Variants in PTPRN2 observed in about 807,000 individuals in gnomAD.
PTPRN2 encodes receptor-type tyrosine-protein phosphatase N2.
A neutral mutation model predicts 118.8 loss-of-function variants in PTPRN2; 74 were observed. The observed-to-expected ratio is 0.62, with a 90% CI of 0.52 to 0.76. PTPRN2 has a LOEUF of 0.76. PTPRN2 is among the 30% of genes least tolerant of loss of function. PTPRN2 has a pLI of 0.00. For missense variants in PTPRN2, 1,481 were observed against 1,394.4 expected (o/e 1.06, Z -0.99); for synonymous variants, 641 against 608.0 (o/e 1.05, Z -0.80).
chr7:158,086,230 TAGGAA>T (rs202180145), intron 10 of PTPRN2, among the ~76,000 whole-genome samples: 3,383 of 152,204 alleles, frequency 0.022, 127 homozygotes, highest in African/African-American at 0.077. Context: ...GAGGGGGAGT[TAGGAA>T]CAGGTAGCCC....
At chr7:157,795,432 G>A (rs546695643) in intron 12 of PTPRN2, among the ~76,000 whole-genome samples, 4 of 152,256 alleles carry the variant, frequency 2.6e-5, no homozygotes, top group Non-Finnish European at 4.4e-5. Flanking sequence ...AGGGGGCTGA[G>A]GCTGGGAACC....
At chr7:158,220,850 A>AG (rs1420319117) in intron 3 of PTPRN2, among the ~76,000 whole-genome samples, 7 of 151,976 alleles carry the variant, frequency 4.6e-5, no homozygotes, top group African/African-American at 1.7e-4. Flanking sequence ...AGAATTAGAA[A>AG]AAAAAAAGAA....
intron 3 of PTPRN2, among the ~76,000 whole-genome samples, chr7:158,232,342 G>A (rs916267197): frequency 6.6e-6 from 1 of 151,914 alleles, no homozygotes; most frequent in Admixed American, 6.6e-5. Context: ...GCTAAGAAAT[G>A]GGAAAACCTA....
chr7:158,036,868 C>A (rs1007180117), intron 11 of PTPRN2, among the ~76,000 whole-genome samples: 10 of 152,028 alleles, frequency 6.6e-5, no homozygotes, highest in African/African-American at 2.4e-4. Context: ...TCCTTGACCC[C>A]TTTGATTCAA....
chr7:158,441,137 G>A (rs1304910956), intron 2 of PTPRN2, among the ~76,000 whole-genome samples: 1 of 150,142 alleles, frequency 6.7e-6, no homozygotes, highest in African/African-American at 2.5e-5. Flanking sequence ...TGATGGCAGT[G>A]GTAGTGATGG....
At chr7:157,592,915 C>T (rs1362553961) in intron 17 of PTPRN2, among the ~76,000 whole-genome samples, 5 of 136,800 alleles carry the variant, frequency 3.7e-5, no homozygotes, top group African/African-American at 5.7e-5. Context: ...AGAGGCTTCA[C>T]GCAGGACGGA....
chr7:158,078,147 A>T (rs950237081), intron 11 of PTPRN2, among the ~76,000 whole-genome samples: 1 of 152,174 alleles, frequency 6.6e-6, no homozygotes, highest in Non-Finnish European at 1.5e-5. Flanking sequence ...TTTGATGGGG[A>T]CTAATGTGGG....
At chr7:158,562,972 G>A (rs1468046087) in intron 1 of PTPRN2, among the ~76,000 whole-genome samples, 3 of 152,192 alleles carry the variant, frequency 2.0e-5, no homozygotes, top group Non-Finnish European at 2.9e-5. Flanking sequence ...GGCCGAGAGC[G>A]GAGTGTTTCC....
chr7:158,509,473 G>C lies in PTPRN2; in HGVS notation c.113-19688C>G, dbSNP rs1823020567. ...ATCCTGGCATCAAGTCTGCCATTCA[G>C]GCCACACTGGGACTTGGTGTCCAGT... On this transcript the variant is annotated intron_variant, in intron 1 of 22. Coordinates refer to ENST00000389418, the MANE Select transcript of PTPRN2 (RefSeq NM_002847.5). This position sits in a 1 kb window ranked among gnomAD's most constrained non-coding sequence, Gnocchi z 4.4. Among the ~76,000 whole-genome samples the C allele has an allele frequency of 6.6e-6, 1 of 152,198 alleles. No individual in the cohort carries two copies. The highest frequency in any genetic ancestry group is 6.5e-5 in the Admixed American group (1 of 15,280).
rs1826199997 is a variant in PTPRN2 at position 158,544,975 on chromosome 7, C to A, written c.112+42583G>T. ...GCAGAGGGGCATCTGGAGCTCCTGC[C>A]CAGAAATGGGAAGGTGATCTGCATC... On this transcript the variant is annotated intron_variant, in intron 1 of 22. Coordinates refer to ENST00000389418, the MANE Select transcript of PTPRN2 (RefSeq NM_002847.5). The surrounding 1 kb of genome is among the most constrained non-coding windows in gnomAD (Gnocchi z 4.2). Among the ~76,000 whole-genome samples, 1 of 152,188 alleles carries A rather than the reference C, an allele frequency of 6.6e-6. No individual in the cohort carries two copies. The highest frequency in any genetic ancestry group is 2.4e-5 in the African/African-American group (1 of 41,444).
intron 3 of PTPRN2, among the ~76,000 whole-genome samples, chr7:158,234,373 A>G (rs1418598984): frequency 6.6e-6 from 1 of 152,196 alleles, no homozygotes; most frequent in Non-Finnish European, 1.5e-5. Flanking sequence ...TCATCAAATA[A>G]AAACATACAA....
intron 12 of PTPRN2, chr7:157,740,194 T>C (rs952917542): frequency 2.5e-4 from 38 of 152,276 alleles, no homozygotes; most frequent in African/African-American, 8.7e-4. Flanking sequence ...CTTAATGCCA[T>C]TGCCCAGATG....
Position 157,656,923 on chromosome 7 carries a change from C to T in PTPRN2, c.2002-372G>A, listed in dbSNP as rs1272940055. Among the ~76,000 whole-genome samples the T allele has an allele frequency of 4.2e-3, 552 of 132,754 alleles. 9 individuals are homozygous for T. The highest frequency in any genetic ancestry group is 0.014 in the African/African-American group (499 of 35,198). 87.1% of individuals were successfully genotyped at this position (132,754 alleles called of 152,430 possible). On this transcript the variant is annotated intron_variant, in intron 13 of 22. Coordinates refer to ENST00000389418, the MANE Select transcript of PTPRN2 (RefSeq NM_002847.5). ...CACATCACACATATACACACACACA[C>T]GCCACACACACACACCACACACATC...
intron 2 of PTPRN2, among the ~76,000 whole-genome samples, chr7:158,376,579 G>T (rs1402478063): frequency 2.4e-5 from 2 of 84,382 alleles, no homozygotes; most frequent in African/African-American, 1.0e-4. Flanking sequence ...GCGGGGTCAG[G>T]GGACTCTCCC....
intron 2 of PTPRN2, among the ~76,000 whole-genome samples, chr7:158,445,505 C>T (rs934023415): frequency 1.3e-5 from 2 of 152,216 alleles, no homozygotes; most frequent in Non-Finnish European, 2.9e-5. Flanking sequence ...ACCAGTGACC[C>T]CGCGGCCTCT....
intron 11 of PTPRN2, among the ~76,000 whole-genome samples, chr7:158,027,073 G>C (rs1807328197): frequency 6.6e-6 from 1 of 152,212 alleles, no homozygotes; most frequent in Admixed American, 6.5e-5. Flanking sequence ...CCGCTGACCA[G>C]GCAGGTCCGG....
At chr7:157,569,859 A>G (rs1799673200) in intron 20 of PTPRN2, among the ~76,000 whole-genome samples, 1 of 152,224 alleles carries the variant, frequency 6.6e-6, no homozygotes, top group South Asian at 2.1e-4. Context: ...AGCAAAATCA[A>G]TTGTGACTTT....
intron 2 of PTPRN2, among the ~76,000 whole-genome samples, chr7:158,340,577 A>G (rs549269410): frequency 8.4e-6 from 1 of 119,050 alleles, no homozygotes; most frequent in Non-Finnish European, 1.8e-5. Flanking sequence ...TCTCACCATA[A>G]GAGCCGACGC....
intron 11 of PTPRN2, among the ~76,000 whole-genome samples, chr7:157,984,918 T>C (rs1803654897): frequency 6.6e-6 from 1 of 152,178 alleles, no homozygotes; most frequent in Non-Finnish European, 1.5e-5. Flanking sequence ...GCTCTCTGTG[T>C]AGAGGCCTCC....
Sources: allele counts gnomAD v4.1 joint callset (sites outside exome capture counted in the v4.1 genomes callset), GRCh38; gene constraint gnomAD v4.1.1; non-coding constraint Gnocchi (gnomAD v3.1); transcripts MANE v1.5; gene names NCBI Gene and HGNC (gene_info 2026-07-23, HGNC 2026-07-21).